The following LSM14A variants were observed in gnomAD, a reference collection of about 807,000 sequenced individuals.
The protein encoded by LSM14A is LSM14A mRNA processing body assembly factor, also known as protein LSM14 homolog A.
Under a neutral mutation model 52.4 loss-of-function variants are expected in LSM14A, and 14 were observed. The observed-to-expected ratio is 0.27, with a 90% CI of 0.18 to 0.42. The LOEUF is 0.42. LSM14A is among the 10% of genes least tolerant of loss of function. The probability of loss-of-function intolerance (pLI) is 1.00; values close to 1 mark genes in which losing one functional copy is unlikely to be tolerated. For missense variants in LSM14A, 417 were observed against 581.8 expected, an observed-to-expected ratio of 0.72 and a Z score of 2.91; for synonymous variants, 185 against 200.3, an observed-to-expected ratio of 0.92 and a Z score of 0.64.
Position 34,219,865 on chromosome 19 carries a change from G to T in LSM14A, c.1124G>T (p.Cys375Phe). Residue 375 changes from cysteine to phenylalanine, a missense_variant, in exon 8 of 10, where the codon TGT (cysteine) becomes TTT (phenylalanine). Cys to Phe is a radical substitution (Grantham distance 205, BLOSUM62 -2). This residue lies in a region of LSM14A where 357 missense variants were observed against 457.0 expected (regional missense o/e 0.78). Transcript: ENST00000544216. Reference sequence around the variant, plus strand: ...AAATCCTTCTTTGATAATATTTCTTGTGATGACAATAGGTACAGTTTTTAA... The same window carrying T: ...AAATCCTTCTTTGATAATATTTCTTTTGATGACAATAGGTACAGTTTTTAA... ...KTKSFFDNISCDDNRERRPTW... is the reference protein window; with the variant it reads ...KTKSFFDNISFDDNRERRPTW... 1 of 1,608,648 alleles carries T rather than the reference G, an allele frequency of 6.2e-7. No individual in the cohort carries two copies. The highest frequency in any genetic ancestry group is 8.5e-7 in the Non-Finnish European group (1 of 1,175,950).
chr19:34,187,804 A>G (rs2070043347), intron 1 of LSM14A, among the ~76,000 whole-genome samples: 1 of 152,144 alleles, frequency 6.6e-6, no homozygotes, highest in East Asian at 1.9e-4. Context: ...GTTTGGCATT[A>G]GGATGATGTT....
intron 3 of LSM14A, among the ~76,000 whole-genome samples, chr19:34,201,923 G>A (rs189931816): frequency 6.6e-6 from 1 of 152,102 alleles, no homozygotes; most frequent in African/African-American, 2.4e-5. Context: ...CTGGGCTCAA[G>A]CAGTCCTCCC....
At chr19:34,202,645 A>T (rs1360318525) in intron 3 of LSM14A, among the ~76,000 whole-genome samples, 1 of 152,126 alleles carries the variant, frequency 6.6e-6, no homozygotes. Flanking sequence ...ACTCTCATAC[A>T]TTGAGAAGAA....
At chr19:34,201,276 A>G (rs113649586) in intron 3 of LSM14A, among the ~76,000 whole-genome samples, 3,219 of 152,262 alleles carry the variant, frequency 0.021, 42 homozygotes, top group Non-Finnish European at 0.031. Flanking sequence ...GAAGTTACCA[A>G]ATGAGGAAGA....
intron 1 of LSM14A, among the ~76,000 whole-genome samples, chr19:34,181,401 C>T (rs2069473135): frequency 6.6e-6 from 1 of 152,172 alleles, no homozygotes; most frequent in Non-Finnish European, 1.5e-5. Context: ...GGTGTTCATT[C>T]ATTTTTGAGC....
At chr19:34,189,632 A>G (rs544830771) in intron 1 of LSM14A, among the ~76,000 whole-genome samples, 3 of 152,328 alleles carry the variant, frequency 2.0e-5, no homozygotes, top group South Asian at 4.1e-4. Flanking sequence ...TGAATGAAAA[A>G]AAAAATGATT....
At chr19:34,198,133 T>C (rs1448210078) in intron 3 of LSM14A, among the ~76,000 whole-genome samples, 1 of 152,168 alleles carries the variant, frequency 6.6e-6, no homozygotes, top group Non-Finnish European at 1.5e-5. Context: ...GAAATAATTA[T>C]CAGTTTACTG....
At chr19:34,190,991 ATTC>A (rs1213566709) in intron 1 of LSM14A, among the ~76,000 whole-genome samples, 1 of 151,658 alleles carries the variant, frequency 6.6e-6, no homozygotes, top group Non-Finnish European at 1.5e-5. Flanking sequence ...TATTTTTCTT[ATTC>A]TTTTGTCTAT....
In LSM14A at chr19:34,227,790, T is replaced by TTGTGTGTGTGTG. The variant is rs71165635; in HGVS notation, c.*430_*441dup. 2,459 of 152,404 alleles carry TTGTGTGTGTGTG rather than the reference T, an allele frequency of 0.016. 50 individuals are homozygous for TTGTGTGTGTGTG. The highest frequency in any genetic ancestry group is 0.026 in the East Asian group (133 of 5,056). The allele number at this position is 152,404 out of a possible 1,614,324, so 9.4% of individuals were successfully genotyped here. A position where few individuals can be genotyped will look rare whatever the true frequency, so the allele number is the denominator to read the frequency against. ...ATACTGTGTTTTGAGCCACAGAAGG[T>TTGTGTGTGTGTG]TGTGTGTGTGTGTGTGTGTGTGTGT... On this transcript the variant is annotated 3_prime_UTR_variant, in exon 10 of 10. Transcript: ENST00000544216.
At position 34,219,885 on chromosome 19, in the gene LSM14A, T is replaced by G. The variant is rs777041635; in HGVS notation, c.1136+8T>G. The G allele has an allele frequency of 6.3e-7, 1 of 1,584,076 alleles. No individual in the cohort carries two copies. Among genetic ancestry groups the G allele is most frequent in the South Asian group, 1.1e-5 (1 of 88,502 alleles). ...TTCTTGTGATGACAATAGGTACAGT[T>G]TTTAAGCTGTTCTTTTATCTTATGA... is the stretch of plus-strand genomic sequence containing the variant. On this transcript the variant is annotated splice_region_variant and intron_variant, in intron 8 of 9. Transcript: ENST00000544216.
At chr19:34,183,537 C>T (rs1419694882) in intron 1 of LSM14A, among the ~76,000 whole-genome samples, 4 of 151,208 alleles carry the variant, frequency 2.6e-5, no homozygotes, top group Middle Eastern at 3.2e-3. Flanking sequence ...GGTGACAGAG[C>T]GAGTTCGTCT....
intron 9 of LSM14A, among the ~76,000 whole-genome samples, chr19:34,223,088 G>C (rs573517892): frequency 1.3e-5 from 2 of 150,908 alleles, no homozygotes; most frequent in East Asian, 3.9e-4. Flanking sequence ...CTTTTTTTTG[G>C]GGGGTGGAGG....
intron 8 of LSM14A, among the ~76,000 whole-genome samples, chr19:34,221,129 C>G (rs2145880569): frequency 6.9e-6 from 1 of 144,048 alleles, no homozygotes; most frequent in South Asian, 2.2e-4. Flanking sequence ...GTCACCCAGA[C>G]TGTAGTGCAG....
intron 3 of LSM14A, among the ~76,000 whole-genome samples, chr19:34,205,088 C>T (rs150101445): frequency 3.1e-4 from 47 of 152,064 alleles, no homozygotes; most frequent in East Asian, 2.5e-3. Context: ...GCCAAGATGA[C>T]GTCACTACAC....
At chr19:34,212,075 C>T (rs1317090953) in intron 4 of LSM14A, among the ~76,000 whole-genome samples, 1 of 152,074 alleles carries the variant, frequency 6.6e-6, no homozygotes, top group South Asian at 2.1e-4. Flanking sequence ...ATCCTGGGTG[C>T]AGTGGTTCAT....
intron 1 of LSM14A, among the ~76,000 whole-genome samples, chr19:34,191,282 G>A (rs1461621767): frequency 6.6e-6 from 1 of 151,878 alleles, no homozygotes; most frequent in Non-Finnish European, 1.5e-5. Flanking sequence ...GAATGTCGAA[G>A]CAGTTGTTTC....
At chr19:34,227,344 A>G (rs1158095691) in intron 9 of LSM14A, 21 bp from the exon 10 acceptor site, 1 of 1,560,578 alleles carries the variant, frequency 6.4e-7, no homozygotes, top group Non-Finnish European at 8.7e-7. Flanking sequence ...AACATGAGCT[A>G]AATTTTTTTT....
intron 2 of LSM14A, among the ~76,000 whole-genome samples, chr19:34,196,194 T>G (rs543487195): frequency 5.3e-5 from 8 of 152,314 alleles, no homozygotes; most frequent in African/African-American, 1.9e-4. Context: ...GGGATATGTT[T>G]GTTTCTACGT....
At chr19:34,198,967 A>G (rs891016935) in intron 3 of LSM14A, among the ~76,000 whole-genome samples, 1 of 152,054 alleles carries the variant, frequency 6.6e-6, no homozygotes, top group African/African-American at 2.4e-5. Context: ...AGCCTGGGCG[A>G]CAGAGTGAGA....
Sources: gnomAD v4.1 joint callset for allele counts (sites outside exome capture counted in the v4.1 genomes callset) on GRCh38, gnomAD v4.1.1 for gene constraint, gnomAD v4.1.1 regional missense constraint, MANE v1.5 for transcripts, NCBI Gene and HGNC (gene_info 2026-07-23, HGNC 2026-07-21) for gene names.